Variants in ARHGAP26 observed in about 807,000 individuals in gnomAD.
ARHGAP26 encodes rho GTPase-activating protein 26.
A neutral mutation model predicts 104.8 loss-of-function variants in ARHGAP26; 38 were observed. The observed-to-expected ratio is 0.36, with a 90% CI of 0.28 to 0.48. The LOEUF is 0.48. Among genes scored for constraint, ARHGAP26 ranks in the 20% least tolerant of loss-of-function variants. ARHGAP26 has a pLI of 0.99. For missense variants in ARHGAP26, 704 were observed against 947.9 expected (o/e 0.74, Z 3.38); for synonymous variants, 341 against 340.0 (o/e 1.00, Z -0.03).
At chr5:143,097,967 A>G (rs1468721905) in intron 17 of ARHGAP26, among the ~76,000 whole-genome samples, 3 of 152,264 alleles carry the variant, frequency 2.0e-5, no homozygotes, top group East Asian at 3.9e-4. Context: ...AGGTTTTTTT[A>G]ATGAATTATT....
At position 142,906,064 on chromosome 5, in the gene ARHGAP26, TTTC is replaced by T. The variant is rs765239270; in HGVS notation, c.833-1636_833-1634del. Among the ~76,000 whole-genome samples the T allele has an allele frequency of 5.3e-4, 80 of 152,306 alleles. 2 individuals carry two copies. The highest frequency in any genetic ancestry group is 3.4e-3 in the Middle Eastern group (1 of 294). ...ACACAGTCCAGTTCCTTTATACAGT[TTTC>T]TTCAGCATGGGTTTATCTGGTGTTT... On this transcript the variant is annotated intron_variant, in intron 8 of 22. Coordinates refer to ENST00000645722, the MANE Select transcript of ARHGAP26 (RefSeq NM_001135608.3).
At chr5:143,030,539 CAGGA>C (rs1350568869) in intron 12 of ARHGAP26, among the ~76,000 whole-genome samples, 1 of 152,150 alleles carries the variant, frequency 6.6e-6, no homozygotes, top group African/African-American at 2.4e-5. Context: ...TGTATTGATA[CAGGA>C]AGGAAGGAAG....
intron 17 of ARHGAP26, among the ~76,000 whole-genome samples, chr5:143,107,787 C>T (rs377042888): frequency 2.0e-5 from 3 of 152,274 alleles, no homozygotes; most frequent in African/African-American, 7.2e-5. Flanking sequence ...GTTTGCTCAC[C>T]TTGGATCTCT....
chr5:143,090,537 G>A lies in ARHGAP26; in HGVS notation c.1539-30451G>A, dbSNP rs189358475. On this transcript the variant is annotated intron_variant, in intron 17 of 22. Transcript: ENST00000645722. Reference sequence around the variant, plus strand: ...AGGCTTAGAGGAAGGTGCAGGTGGCGGGGGATCAAAGAAACGCATTTCAAA... The same window carrying A: ...AGGCTTAGAGGAAGGTGCAGGTGGCAGGGGATCAAAGAAACGCATTTCAAA... Among the ~76,000 whole-genome samples the A allele has an allele frequency of 4.6e-5, 7 of 152,232 alleles. No individual in the cohort carries two copies. The East Asian group carries it at 9.7e-4, about 21-fold the overall frequency.
intron 11 of ARHGAP26, among the ~76,000 whole-genome samples, chr5:142,942,355 A>T (rs1418663743): frequency 2.6e-5 from 4 of 152,250 alleles, no homozygotes; most frequent in Non-Finnish European, 5.9e-5. Context: ...AGAAAAAATT[A>T]TATAGAAATA....
At chr5:143,052,498 T>C (rs1785185957) in intron 14 of ARHGAP26, among the ~76,000 whole-genome samples, 1 of 152,068 alleles carries the variant, frequency 6.6e-6, no homozygotes, top group Non-Finnish European at 1.5e-5. Flanking sequence ...AATTATGCTC[T>C]TTAGGTTTTT....
At chr5:143,106,123 A>T (rs368118567) in intron 17 of ARHGAP26, among the ~76,000 whole-genome samples, 9 of 152,296 alleles carry the variant, frequency 5.9e-5, no homozygotes, top group African/African-American at 2.2e-4. Flanking sequence ...ATGATTACTT[A>T]GCTCTTTATA....
intron 17 of ARHGAP26, among the ~76,000 whole-genome samples, chr5:143,092,247 T>C (rs1006571578): frequency 3.4e-5 from 5 of 147,124 alleles, no homozygotes; most frequent in Non-Finnish European, 7.4e-5. Flanking sequence ...CACTGCAAGC[T>C]CCGCCTCCCA....
rs1811838451 is a variant in ARHGAP26, at chr5:143,228,578, A to G, written c.*6132A>G. 1 of 218,006 alleles carries G rather than the reference A, an allele frequency of 4.6e-6. No individual in the cohort carries two copies. Among genetic ancestry groups the G allele is most frequent in the Non-Finnish European group, 9.2e-6 (1 of 108,236 alleles). 13.5% of individuals were successfully genotyped at this position (218,006 alleles called of 1,614,324 possible). ...AAGCACTCTAAAAGACATTTTGTCCACATTTTGGAAAAGAAAATATTTGCA... is the reference window on the plus strand; with the variant it reads ...AAGCACTCTAAAAGACATTTTGTCCGCATTTTGGAAAAGAAAATATTTGCA... On this transcript the variant is annotated 3_prime_UTR_variant, in exon 23 of 23. Coordinates refer to ENST00000645722, the MANE Select transcript of ARHGAP26 (RefSeq NM_001135608.3).
At chr5:142,890,309 T>G (rs1016261387) in intron 5 of ARHGAP26, among the ~76,000 whole-genome samples, 1 of 148,014 alleles carries the variant, frequency 6.8e-6, no homozygotes, top group African/African-American at 2.5e-5. Flanking sequence ...GGAGAAGAGG[T>G]TTTTGGGCAG....
chr5:143,220,119 C>T (rs1163536743), intron 22 of ARHGAP26, among the ~76,000 whole-genome samples: 2 of 152,232 alleles, frequency 1.3e-5, no homozygotes, highest in South Asian at 2.1e-4. Context: ...TCAGTGCATC[C>T]AGTAGAGTAA....
At chr5:143,072,548 T>A (rs1788428910) in intron 17 of ARHGAP26, among the ~76,000 whole-genome samples, 1 of 152,200 alleles carries the variant, frequency 6.6e-6, no homozygotes, top group Non-Finnish European at 1.5e-5. Flanking sequence ...CATGTGTATA[T>A]ACACAATGGA....
chr5:143,160,302 A>G (rs1599296032), intron 20 of ARHGAP26, among the ~76,000 whole-genome samples: 1 of 151,768 alleles, frequency 6.6e-6, no homozygotes, highest in Non-Finnish European at 1.5e-5. Flanking sequence ...CTCACGATCC[A>G]CCTGCCTCAG....
At chr5:142,894,167 C>G in intron 5 of ARHGAP26, 71 bp from the exon 6 acceptor site, 1 of 1,217,764 alleles carries the variant, frequency 8.2e-7, no homozygotes, top group Non-Finnish European at 1.2e-6. Flanking sequence ...TTTTTTTTTT[C>G]TGACCTGCTT....
At chr5:143,147,936 G>C (rs1799356180) in intron 20 of ARHGAP26, among the ~76,000 whole-genome samples, 1 of 152,154 alleles carries the variant, frequency 6.6e-6, no homozygotes, top group Non-Finnish European at 1.5e-5. Flanking sequence ...TCAGCATTGA[G>C]CACCCATAGT....
chr5:142,857,841 A>G (rs1387849302), intron 1 of ARHGAP26, among the ~76,000 whole-genome samples: 1 of 152,082 alleles, frequency 6.6e-6, no homozygotes, highest in Non-Finnish European at 1.5e-5. Flanking sequence ...TATTACCTGC[A>G]GTGTCTTTCT....
intron 20 of ARHGAP26, among the ~76,000 whole-genome samples, chr5:143,165,661 T>C (rs137952267): frequency 1.1e-3 from 167 of 152,324 alleles, no homozygotes; most frequent in African/African-American, 3.9e-3. Flanking sequence ...AATGTACCCA[T>C]CACCCAATAA....
intron 1 of ARHGAP26, among the ~76,000 whole-genome samples, chr5:142,862,453 GT>G (rs1753542532): frequency 6.6e-6 from 1 of 152,166 alleles, no homozygotes; most frequent in Non-Finnish European, 1.5e-5. Context: ...TCATTTAAAA[GT>G]TTTACAATTA....
intron 17 of ARHGAP26, chr5:143,103,310 A>T (rs1049876508): frequency 3.4e-6 from 3 of 890,608 alleles, no homozygotes; most frequent in Non-Finnish European, 4.0e-6. Context: ...GCTGGAGAGG[A>T]TGTGGAGAAA....
Sources: gnomAD v4.1 joint callset for allele counts (sites outside exome capture counted in the v4.1 genomes callset) on GRCh38, gnomAD v4.1.1 for gene constraint, MANE v1.5 for transcripts, NCBI Gene and HGNC (gene_info 2026-07-23, HGNC 2026-07-21) for gene names.